The following SGCZ variants were observed in gnomAD, a reference collection of about 807,000 sequenced individuals.
SGCZ encodes the protein zeta-sarcoglycan.
In SGCZ, 40 loss-of-function variants were observed where a neutral mutation model predicts 41.3. The observed-to-expected ratio is 0.97, with a 90% CI of 0.75 to 1.26. The LOEUF is 1.26. Ranked by LOEUF, SGCZ falls within the 50% of genes most tolerant of loss-of-function variation. The pLI is 0.00. For missense variants in SGCZ, 552 were observed against 369.8 expected, an observed-to-expected ratio of 1.49 and a Z score of -4.04; for synonymous variants, 206 against 137.5, an observed-to-expected ratio of 1.50 and a Z score of -3.49.
intron 1 of SGCZ, among the ~76,000 whole-genome samples, chr8:14,610,245 G>C (rs939417399): frequency 6.6e-5 from 10 of 152,124 alleles, no homozygotes; most frequent in Non-Finnish European, 1.0e-4. Flanking sequence ...AGAAACAGTA[G>C]ATGTAAGAAG....
At chr8:14,281,639 C>G (rs765421921) in intron 3 of SGCZ, among the ~76,000 whole-genome samples, 1 of 151,964 alleles carries the variant, frequency 6.6e-6, no homozygotes, top group Admixed American at 6.6e-5. Flanking sequence ...ATAACATGAT[C>G]ATGTCAAATT....
chr8:14,270,359 T>A (rs987553013), intron 3 of SGCZ, among the ~76,000 whole-genome samples: 2 of 151,908 alleles, frequency 1.3e-5, no homozygotes, highest in African/African-American at 4.8e-5. Flanking sequence ...AAAAATTAAA[T>A]CTAAACGATA....
chr8:14,913,483 A>T (rs28404894), intron 1 of SGCZ, among the ~76,000 whole-genome samples: 32,876 of 151,986 alleles, frequency 0.22, 6,533 homozygotes, highest in African/African-American at 0.53. Context: ...ATTTGTTTAA[A>T]GCATAATATC....
intron 3 of SGCZ, among the ~76,000 whole-genome samples, chr8:14,244,942 T>A (rs1332934372): frequency 6.6e-6 from 1 of 152,116 alleles, no homozygotes; most frequent in Non-Finnish European, 1.5e-5. Flanking sequence ...TACATTGATT[T>A]TGTATCCTGA....
chr8:15,209,822 C>T (rs942111595), intron 1 of SGCZ, among the ~76,000 whole-genome samples: 1 of 152,104 alleles, frequency 6.6e-6, no homozygotes, highest in Non-Finnish European at 1.5e-5. Context: ...CTGTACTTCT[C>T]CCAGCCCCCG....
At chr8:14,585,014 G>GA (rs1311669828) in intron 1 of SGCZ, among the ~76,000 whole-genome samples, 1 of 152,038 alleles carries the variant, frequency 6.6e-6, no homozygotes, top group Non-Finnish European at 1.5e-5. Context: ...ACAAGAAATA[G>GA]AAAAAATCTA....
chr8:14,128,641 A>G (rs1471441459), intron 5 of SGCZ, among the ~76,000 whole-genome samples: 1 of 152,300 alleles, frequency 6.6e-6, no homozygotes, highest in East Asian at 1.9e-4. Flanking sequence ...AAATCATGGA[A>G]TCAACCTAAG....
chr8:14,210,241 T>C (rs1267815700), intron 4 of SGCZ, among the ~76,000 whole-genome samples: 1 of 152,034 alleles, frequency 6.6e-6, no homozygotes, highest in Non-Finnish European at 1.5e-5. Context: ...GCATTTTTAG[T>C]AGGGAAAGGG....
At chr8:14,164,343 C>G (rs1804140079) in intron 5 of SGCZ, among the ~76,000 whole-genome samples, 1 of 152,080 alleles carries the variant, frequency 6.6e-6, no homozygotes, top group African/African-American at 2.4e-5. Flanking sequence ...TTTCTTCCCC[C>G]TGCCTCCACC....
intron 1 of SGCZ, among the ~76,000 whole-genome samples, chr8:15,012,541 A>ATATGAATATTTATATATAACATATAAAT (rs1802863426): frequency 9.3e-6 from 1 of 107,690 alleles, no homozygotes; most frequent in African/African-American, 4.4e-5. Flanking sequence ...AACATATAAA[A>ATATGAATATTTATATATAACATATAAAT]ATATGAATAT....
At chr8:14,284,443 T>A (rs1003919242) in intron 3 of SGCZ, among the ~76,000 whole-genome samples, 54 of 152,350 alleles carry the variant, frequency 3.5e-4, no homozygotes, top group African/African-American at 1.0e-3. Flanking sequence ...GGTTTACTAA[T>A]CTATATTTGG....
chr8:14,521,098 A>G (rs1281343993), intron 2 of SGCZ, among the ~76,000 whole-genome samples: 2 of 152,280 alleles, frequency 1.3e-5, no homozygotes, highest in East Asian at 3.9e-4. Flanking sequence ...TTGTAAATCT[A>G]TAACAGAAAA....
At chr8:14,441,181 A>C (rs1800250195) in intron 2 of SGCZ, among the ~76,000 whole-genome samples, 1 of 152,138 alleles carries the variant, frequency 6.6e-6, no homozygotes, top group South Asian at 2.1e-4. Flanking sequence ...TTTAATTTGA[A>C]AACTTGTTTC....
At chr8:15,112,056 C>T (rs1477387699) in intron 1 of SGCZ, among the ~76,000 whole-genome samples, 1 of 152,022 alleles carries the variant, frequency 6.6e-6, no homozygotes, top group East Asian at 1.9e-4. Context: ...AGCACTATCT[C>T]ACTGTTGCTC....
intron 2 of SGCZ, among the ~76,000 whole-genome samples, chr8:14,400,171 C>T (rs888717548): frequency 6.6e-6 from 1 of 152,002 alleles, no homozygotes; most frequent in Non-Finnish European, 1.5e-5. Flanking sequence ...CAGTGTTCAT[C>T]CATCTAATAG....
intron 2 of SGCZ, among the ~76,000 whole-genome samples, chr8:14,379,771 G>A (rs1804289990): frequency 6.6e-6 from 1 of 152,016 alleles, no homozygotes; most frequent in Admixed American, 6.6e-5. Context: ...TTACTCTGCT[G>A]CCCAGGCTGG....
chr8:14,159,596 G>A (rs1156398729), intron 5 of SGCZ, among the ~76,000 whole-genome samples: 2 of 152,186 alleles, frequency 1.3e-5, no homozygotes, highest in African/African-American at 2.4e-5. Context: ...TTGAGTGACT[G>A]ATCCAGGTCT....
chr8:14,655,040 A>AT (rs992967184), intron 1 of SGCZ, among the ~76,000 whole-genome samples: 7 of 152,028 alleles, frequency 4.6e-5, no homozygotes, highest in African/African-American at 9.7e-5. Flanking sequence ...AATACCTTAC[A>AT]TTTTTTTCCC....
At chr8:14,614,078 G>C (rs1040267678) in intron 1 of SGCZ, among the ~76,000 whole-genome samples, 4 of 152,120 alleles carry the variant, frequency 2.6e-5, no homozygotes, top group African/African-American at 9.7e-5. Context: ...TGTGAGTTAA[G>C]TAACAAACAC....
Sources: allele counts gnomAD v4.1 joint callset (sites outside exome capture counted in the v4.1 genomes callset), GRCh38; gene constraint gnomAD v4.1.1; transcripts MANE v1.5; gene names NCBI Gene and HGNC (gene_info 2026-07-23, HGNC 2026-07-21).